The following PRKN variants were observed in gnomAD, a reference collection of about 807,000 sequenced individuals.
PRKN encodes the protein parkin RBR E3 ubiquitin protein ligase.
Under a neutral mutation model 59.5 loss-of-function variants are expected in PRKN, and 56 were observed. That is an observed-to-expected ratio of 0.94 (90% CI 0.76 to 1.18). The LOEUF is 1.18. PRKN is among the 50% of genes most tolerant of loss of function. PRKN has a pLI of 0.00. For synonymous variants in PRKN, 250 were observed against 222.1 expected, an observed-to-expected ratio of 1.13 and a Z score of -1.12; for missense variants, 657 against 596.4, an observed-to-expected ratio of 1.10 and a Z score of -1.06.
At chr6:162,362,881 CG>C (rs1785218127) in intron 2 of PRKN, among the ~76,000 whole-genome samples, 1 of 151,816 alleles carries the variant, frequency 6.6e-6, no homozygotes, top group South Asian at 2.1e-4. Flanking sequence ...GTAATCTCAA[CG>C]CTTTGGGAGG....
Position 162,384,647 on chromosome 6 carries a change from T to TAAA in PRKN, c.171+58660_171+58662dup, listed in dbSNP as rs774251208. 2.4e-3 allele frequency among the ~76,000 whole-genome samples: 220 copies of TAAA among 93,212 alleles called. 2 individuals are homozygous for TAAA. Among genetic ancestry groups the TAAA allele is most frequent in the African/African-American group, 7.1e-3 (181 of 25,442 alleles). The allele number at this position is 93,212 out of a possible 152,430, so 61.2% of individuals were successfully genotyped here. A position where few individuals can be genotyped will look rare whatever the true frequency, so the allele number is the denominator to read the frequency against. ...AGGGTTGCCACAAAGCTTCAATTTG[T>TAAA]AAAAAAAAAAAAAAACAAAAAAAAA... is the stretch of plus-strand genomic sequence containing the variant. On this transcript the variant is annotated intron_variant, in intron 2 of 11. Coordinates refer to ENST00000366898, the MANE Select transcript of PRKN (RefSeq NM_004562.3).
At chr6:161,987,696 G>T (rs1781486114) in intron 5 of PRKN, among the ~76,000 whole-genome samples, 1 of 152,126 alleles carries the variant, frequency 6.6e-6, no homozygotes, top group African/African-American at 2.4e-5. Context: ...AAATGCAGAA[G>T]CTGTGGATAT....
chr6:162,475,767 T>G (rs1791978804), intron 1 of PRKN, among the ~76,000 whole-genome samples: 1 of 152,252 alleles, frequency 6.6e-6, no homozygotes, highest in South Asian at 2.1e-4. Flanking sequence ...TTATGTATTT[T>G]GAGACGGAGT....
At chr6:162,594,569 A>C (rs1243420165) in intron 1 of PRKN, among the ~76,000 whole-genome samples, 1 of 152,184 alleles carries the variant, frequency 6.6e-6, no homozygotes, top group Non-Finnish European at 1.5e-5. Context: ...CTGCAACAAA[A>C]AAATATGTAT....
chr6:162,272,554 C>T (rs919677282), intron 2 of PRKN, among the ~76,000 whole-genome samples: 3 of 152,072 alleles, frequency 2.0e-5, no homozygotes, highest in Admixed American at 6.6e-5. Flanking sequence ...TCAGGCACGT[C>T]GGGGAGGTCA....
intron 7 of PRKN, among the ~76,000 whole-genome samples, chr6:161,671,529 A>G (rs1784910337): frequency 6.6e-6 from 1 of 152,110 alleles, no homozygotes; most frequent in South Asian, 2.1e-4. Flanking sequence ...TGGATGTGAC[A>G]TTTTCAATAT....
At chr6:162,426,284 A>G (rs1016692868) in intron 2 of PRKN, among the ~76,000 whole-genome samples, 2 of 152,214 alleles carry the variant, frequency 1.3e-5, no homozygotes, top group African/African-American at 4.8e-5. Flanking sequence ...CCAGGTATAC[A>G]TAGAAACTAT....
chr6:162,191,314 C>T (rs1161638882), intron 4 of PRKN, among the ~76,000 whole-genome samples: 1 of 152,200 alleles, frequency 6.6e-6, no homozygotes, highest in Admixed American at 6.5e-5. Context: ...TTCCATGTGG[C>T]AAACACTTGC....
At position 162,498,260 on chromosome 6, in the gene PRKN, T is replaced by G. The variant is rs568806625; in HGVS notation, c.8-54787A>C. Among the ~76,000 whole-genome samples the G allele has an allele frequency of 3.3e-5, 5 of 152,120 alleles. No individual in the cohort carries two copies. The South Asian group carries it at 1.0e-3, about 32-fold the overall frequency. ...TGTACATCTTATCCTTATACCCAACTCTATAAATTGTAAGCTCCCTGAAGA... is the reference window on the plus strand; with the variant it reads ...TGTACATCTTATCCTTATACCCAACGCTATAAATTGTAAGCTCCCTGAAGA... On this transcript the variant is annotated intron_variant, in intron 1 of 11. Transcript: ENST00000366898.
At chr6:162,090,494 G>A (rs1001535922) in intron 4 of PRKN, among the ~76,000 whole-genome samples, 2 of 152,108 alleles carry the variant, frequency 1.3e-5, no homozygotes, top group African/African-American at 2.4e-5. Flanking sequence ...CATTTCACTT[G>A]TTTTGCCTAT....
intron 1 of PRKN, among the ~76,000 whole-genome samples, chr6:162,498,398 T>TC (rs2128187085): frequency 9.0e-6 from 1 of 111,464 alleles, no homozygotes; most frequent in Admixed American, 9.0e-5. Flanking sequence ...CTTTCCTTTT[T>TC]TTTTTTTTTT....
At chr6:161,435,580 T>C (rs937676113) in intron 9 of PRKN, among the ~76,000 whole-genome samples, 8 of 151,942 alleles carry the variant, frequency 5.3e-5, no homozygotes, top group South Asian at 2.1e-4. Flanking sequence ...CGTTTTACCA[T>C]TGCAGAAATG....
At chr6:162,431,646 A>G (rs545387951) in intron 2 of PRKN, among the ~76,000 whole-genome samples, 1 of 152,308 alleles carries the variant, frequency 6.6e-6, no homozygotes, top group Non-Finnish European at 1.5e-5. Context: ...AAACAGACTG[A>G]TATTTTTATA....
At chr6:161,752,710 A>G (rs1788747462) in intron 7 of PRKN, among the ~76,000 whole-genome samples, 1 of 152,152 alleles carries the variant, frequency 6.6e-6, no homozygotes, top group South Asian at 2.1e-4. Context: ...CAAACAAAAA[A>G]CATGCTGGCT....
At chr6:161,522,039 G>A (rs553864143) in intron 9 of PRKN, among the ~76,000 whole-genome samples, 46 of 152,266 alleles carry the variant, frequency 3.0e-4, no homozygotes, top group Admixed American at 1.9e-3. Context: ...GTGGCAGAAC[G>A]GATGTGGACG....
chr6:161,568,509 C>T (rs138594892), intron 8 of PRKN, among the ~76,000 whole-genome samples: 5,475 of 152,242 alleles, frequency 0.036, 308 homozygotes, highest in African/African-American at 0.12. Flanking sequence ...AGGAGAATGG[C>T]GTGAACCTGG....
intron 9 of PRKN, among the ~76,000 whole-genome samples, chr6:161,534,310 C>T (rs1263437423): frequency 6.6e-6 from 1 of 152,192 alleles, no homozygotes; most frequent in African/African-American, 2.4e-5. Context: ...TCCCTCAGTG[C>T]GCTTAATGAA....
intron 2 of PRKN, among the ~76,000 whole-genome samples, chr6:162,345,114 T>C (rs1174600565): frequency 1.3e-5 from 2 of 152,162 alleles, no homozygotes. Flanking sequence ...CCATTCCAGA[T>C]GTGAAGAGGT....
At chr6:162,205,059 C>T (rs1057487371) in intron 3 of PRKN, among the ~76,000 whole-genome samples, 2 of 151,930 alleles carry the variant, frequency 1.3e-5, no homozygotes, top group African/African-American at 4.8e-5. Context: ...GACAGGGTTT[C>T]ACCATGTTGG....
Sources: gnomAD v4.1 joint callset for allele counts (sites outside exome capture counted in the v4.1 genomes callset) on GRCh38, gnomAD v4.1.1 for gene constraint, MANE v1.5 for transcripts, NCBI Gene and HGNC (gene_info 2026-07-23, HGNC 2026-07-21) for gene names.